PIK3C2G: variants seen among roughly 807,000 people sequenced by gnomAD.
PIK3C2G encodes the protein phosphatidylinositol 3-kinase C2 domain-containing subunit gamma.
In PIK3C2G, 168 loss-of-function variants were observed where a neutral mutation model predicts 181.1. That is an observed-to-expected ratio of 0.93 (90% CI 0.82 to 1.05). The LOEUF (loss-of-function observed/expected upper bound fraction) is 1.05, where lower values mean the gene tolerates loss of function less well. Ranked by LOEUF, PIK3C2G falls within the 50% of genes least tolerant of loss-of-function variation. PIK3C2G has a pLI of 0.00. For missense variants in PIK3C2G, 1,869 were observed against 1,732.8 expected (o/e 1.08, Z -1.40); for synonymous variants, 573 against 592.2 (o/e 0.97, Z 0.47).
chr12:18,725,163 A>G, the PIK3C2G span, among the ~76,000 whole-genome samples: 1 of 152,210 alleles, frequency 6.6e-6, no homozygotes, highest in Admixed American at 6.5e-5. Flanking sequence ...GAATAGTGAG[A>G]GTTGTATCAC....
chr12:18,672,070 A>T, the PIK3C2G span, among the ~76,000 whole-genome samples: 2 of 152,196 alleles, frequency 1.3e-5, no homozygotes, highest in Admixed American at 6.5e-5. Flanking sequence ...ATTTCAGCAT[A>T]TGAATTTTAT....
chr12:18,468,102 A>G (rs756048122), intron 18 of PIK3C2G, among the ~76,000 whole-genome samples: 3 of 151,980 alleles, frequency 2.0e-5, no homozygotes, highest in African/African-American at 7.2e-5. Context: ...AAGGACCTCA[A>G]GTTTTGTAAA....
the PIK3C2G span, among the ~76,000 whole-genome samples, chr12:18,697,912 C>T: frequency 1.7e-4 from 26 of 152,188 alleles, no homozygotes; most frequent in Admixed American, 4.6e-4. Context: ...GAAAAATGCT[C>T]TATGCCCCTT....
the PIK3C2G span, among the ~76,000 whole-genome samples, chr12:18,685,335 G>A: frequency 2.0e-5 from 3 of 151,948 alleles, no homozygotes; most frequent in Non-Finnish European, 4.4e-5. Context: ...AAAGTAAAGC[G>A]TAATTTAACA....
intron 32 of PIK3C2G, among the ~76,000 whole-genome samples, chr12:18,647,475 C>T (rs1565597834): frequency 6.6e-6 from 1 of 151,544 alleles, no homozygotes; most frequent in Admixed American, 6.6e-5. Flanking sequence ...AAATAGTCTG[C>T]TTTTCCTCAT....
At chr12:18,348,740 T>C (rs756886196) in intron 11 of PIK3C2G, among the ~76,000 whole-genome samples, 2 of 152,152 alleles carry the variant, frequency 1.3e-5, no homozygotes, top group Non-Finnish European at 2.9e-5. Flanking sequence ...ATATAAGTTA[T>C]CTATTAATAC....
intron 25 of PIK3C2G, among the ~76,000 whole-genome samples, chr12:18,541,727 C>G (rs561809013): frequency 2.0e-5 from 3 of 151,964 alleles, no homozygotes; most frequent in Non-Finnish European, 2.9e-5. Context: ...TTCCCTTTCC[C>G]TTGGTATTGC....
chr12:18,243,268 A>G (rs1292569233), upstream of PIK3C2G, among the ~76,000 whole-genome samples: 1 of 151,806 alleles, frequency 6.6e-6, no homozygotes, highest in African/African-American at 2.4e-5. Context: ...CAAATTGTTG[A>G]CAGAATAGAG....
At chr12:18,459,617 T>C (rs1197565027) in intron 18 of PIK3C2G, among the ~76,000 whole-genome samples, 4 of 152,238 alleles carry the variant, frequency 2.6e-5, no homozygotes, top group Non-Finnish European at 5.9e-5. Context: ...GGAAATACAC[T>C]AGTTACAGTG....
chr12:18,335,980 T>A (rs1938491453), intron 8 of PIK3C2G, among the ~76,000 whole-genome samples: 1 of 152,062 alleles, frequency 6.6e-6, no homozygotes, highest in African/African-American at 2.4e-5. Context: ...AACCCATGTA[T>A]CACACATATT....
At chr12:18,721,339 T>A in the PIK3C2G span, among the ~76,000 whole-genome samples, 1 of 152,100 alleles carries the variant, frequency 6.6e-6, no homozygotes, top group Non-Finnish European at 1.5e-5. Flanking sequence ...TATAAGATCA[T>A]AATTCAAATT....
intron 30 of PIK3C2G, among the ~76,000 whole-genome samples, chr12:18,599,181 C>A (rs1304262809): frequency 9.9e-5 from 15 of 152,244 alleles, no homozygotes; most frequent in East Asian, 5.8e-4. Flanking sequence ...TCATGCTGCT[C>A]TAAAGACACA....
chr12:18,377,472 C>A (rs1942534308), intron 13 of PIK3C2G, among the ~76,000 whole-genome samples: 1 of 152,116 alleles, frequency 6.6e-6, no homozygotes, highest in Admixed American at 6.5e-5. Flanking sequence ...TGTTGCGTTA[C>A]AAGAATTTAC....
At chr12:18,402,001 A>C (rs1211908801) in intron 16 of PIK3C2G, among the ~76,000 whole-genome samples, 1 of 152,112 alleles carries the variant, frequency 6.6e-6, no homozygotes. Flanking sequence ...TTACTATATG[A>C]CCCAACAATC....
At chr12:18,470,340 G>A (rs193162106) in intron 18 of PIK3C2G, among the ~76,000 whole-genome samples, 86 of 152,132 alleles carry the variant, frequency 5.7e-4, no homozygotes, top group Admixed American at 1.8e-3. Context: ...GTAGGAAGAC[G>A]CAGGGTCCAG....
intron 22 of PIK3C2G, among the ~76,000 whole-genome samples, chr12:18,498,567 A>ATT (rs11390476): frequency 9.9e-4 from 146 of 148,062 alleles, no homozygotes; most frequent in Middle Eastern, 3.6e-3. Flanking sequence ...CCATGTAGTC[A>ATT]TTTTTTTTTT....
chr12:18,612,819 G>T (rs1948410166), intron 31 of PIK3C2G, among the ~76,000 whole-genome samples: 1 of 152,064 alleles, frequency 6.6e-6, no homozygotes, highest in Non-Finnish European at 1.5e-5. Flanking sequence ...TGTTAAGTTT[G>T]ATGAAAAGTA....
At chr12:18,343,281 G>A (rs1004245104) in intron 9 of PIK3C2G, 46 bp from the exon 10 acceptor site, 16 of 1,019,902 alleles carry the variant, frequency 1.6e-5, no homozygotes, top group Middle Eastern at 4.1e-4. Flanking sequence ...ACTATTTTGT[G>A]AATTTGTTGT....
At chr12:18,439,846 C>T (rs1205205199) in intron 18 of PIK3C2G, among the ~76,000 whole-genome samples, 3 of 152,032 alleles carry the variant, frequency 2.0e-5, no homozygotes, top group Non-Finnish European at 4.4e-5. Context: ...TTATTAATCA[C>T]ACACCATGTA....
Sources: gnomAD v4.1 joint callset for allele counts (sites outside exome capture counted in the v4.1 genomes callset) on GRCh38, gnomAD v4.1.1 for gene constraint, MANE v1.5 for transcripts, NCBI Gene and HGNC (gene_info 2026-07-23, HGNC 2026-07-21) for gene names.